The following GRAMD1C variants were observed in gnomAD, a reference collection of about 807,000 sequenced individuals.
The protein encoded by GRAMD1C is GRAM domain containing 1C.
In GRAMD1C, 89 loss-of-function variants were observed where a neutral mutation model predicts 97.8. The observed-to-expected ratio is 0.91, with a 90% confidence interval of 0.77 to 1.09. GRAMD1C has a LOEUF of 1.09. GRAMD1C is among the 50% of genes least tolerant of loss of function. The pLI, the probability that GRAMD1C is intolerant of heterozygous loss-of-function variation, is 0.00. For synonymous variants in GRAMD1C, 256 were observed against 267.0 expected (o/e 0.96, Z 0.40); for missense variants, 740 against 766.4 (o/e 0.97, Z 0.41).
intron 2 of GRAMD1C, among the ~76,000 whole-genome samples, chr3:113,847,270 C>T (rs1015592371): frequency 6.6e-6 from 1 of 152,064 alleles, no homozygotes. Context: ...CAAAACATTA[C>T]AAGAGACATG....
chr3:113,921,478 G>A lies in GRAMD1C; in HGVS notation c.1090+5640G>A, dbSNP rs562633487. The stretch of plus-strand genomic sequence containing the variant: ...TTATATTCCTGTGAGTAGATACCCA[G>A]TAATGGGATTCCCAGGTCAAATGGT... On this transcript the variant is annotated intron_variant, in intron 10 of 17. Transcript: ENST00000358160. 3.2e-4 allele frequency among the ~76,000 whole-genome samples: 49 copies of A among 152,328 alleles called. 2 individuals carry two copies. In the South Asian group the frequency reaches 0.01, roughly 32 times the overall value.
At chr3:113,888,334 G>A (rs879731881) in intron 6 of GRAMD1C, among the ~76,000 whole-genome samples, 13 of 152,204 alleles carry the variant, frequency 8.5e-5, no homozygotes, top group Non-Finnish European at 1.9e-4. Flanking sequence ...GTTGCCAGGG[G>A]TAGGAAGAAA....
intron 8 of GRAMD1C, among the ~76,000 whole-genome samples, chr3:113,906,989 G>T (rs1936395091): frequency 6.6e-6 from 1 of 152,054 alleles, no homozygotes; most frequent in South Asian, 2.1e-4. Context: ...ATATAGCCTG[G>T]GTGTGTAGTA....
chr3:113,934,342 C>T lies in GRAMD1C; in HGVS notation c.1353-90C>T, dbSNP rs372623824. 14 of 675,026 alleles carry T rather than the reference C, an allele frequency of 2.1e-5. No homozygotes were observed. The African/African-American group carries it at 2.5e-4, about 12-fold the overall frequency. The allele number at this position is 675,026 out of a possible 1,614,324, so 41.8% of individuals were successfully genotyped here. A position where few individuals can be genotyped will look rare whatever the true frequency, so the allele number is the denominator to read the frequency against. ...AATGACTTTGAATCTTTTTGACTTT[C>T]CACTGAATACAATCTTACATTTAAC... On this transcript the variant is annotated intron_variant, in intron 12 of 17. Transcript: ENST00000358160.
intron 6 of GRAMD1C, among the ~76,000 whole-genome samples, chr3:113,894,348 G>A (rs1045020003): frequency 8.6e-5 from 13 of 151,660 alleles, no homozygotes; most frequent in Non-Finnish European, 1.5e-4. Flanking sequence ...GCATGATCTC[G>A]GCTCACTGCA....
rs140083905 is a variant in GRAMD1C at position 113,832,832 on chromosome 3, T to G, written n.98+4553T>G. On this transcript the variant is annotated intron_variant and non_coding_transcript_variant, in intron 1 of 18. Transcript: ENST00000479212. The stretch of plus-strand genomic sequence containing the variant: ...TCTTTGCAGACTGGCTTTCTGTGTG[T>G]GCTGGGTATGCCTGTAACACCCAGC... Among the ~76,000 whole-genome samples, 732 of 152,316 alleles carry G rather than the reference T, an allele frequency of 4.8e-3. 6 individuals carry two copies. The highest frequency in any genetic ancestry group is 0.017 in the African/African-American group (695 of 41,568).
chr3:113,934,544 AT>A lies in GRAMD1C; in HGVS notation c.1456+16del, dbSNP rs750773104. The A allele has an allele frequency of 2.5e-6, 3 of 1,189,512 alleles. No homozygotes were observed. Among genetic ancestry groups the A allele is most frequent in the South Asian group, 2.7e-5 (2 of 72,966 alleles). 73.7% of individuals were successfully genotyped at this position (1,189,512 alleles called of 1,614,324 possible). ...CTATTTCAAACAGCTTGGTTTGTAA[AT>A]TTTTTTATTTATCTATTTTTGTAAA... On this transcript the variant is annotated intron_variant, in intron 13 of 17. Transcript: ENST00000358160.
intron 8 of GRAMD1C, among the ~76,000 whole-genome samples, chr3:113,907,060 C>T (rs1278964512): frequency 6.6e-6 from 1 of 152,122 alleles, no homozygotes; most frequent in African/African-American, 2.4e-5. Flanking sequence ...ATAAAATCAC[C>T]TAATGATACA....
chr3:113,933,334 C>T (rs1328104456), intron 11 of GRAMD1C, among the ~76,000 whole-genome samples, 177 bp from the exon 12 acceptor site: 1 of 152,216 alleles, frequency 6.6e-6, no homozygotes, highest in Non-Finnish European at 1.5e-5. Context: ...ACCCGGCCCT[C>T]TTTTTCTCAA....
At chr3:113,887,085 G>GTTTTTTGTTTTTT (rs1935524436) in intron 6 of GRAMD1C, among the ~76,000 whole-genome samples, 2 of 71,456 alleles carry the variant, frequency 2.8e-5, no homozygotes, top group Non-Finnish European at 2.9e-5. Flanking sequence ...TGGCCTTTTT[G>GTTTTTTGTTTTTT]TTTTTTTTTT....
chr3:113,897,555 T>C, intron 6 of GRAMD1C: 4 of 983,258 alleles, frequency 4.1e-6, no homozygotes, highest in Non-Finnish European at 4.8e-6. Context: ...AAGTGACAGA[T>C]AATGTGCTTT....
chr3:113,868,214 T>A (rs1934657787), intron 2 of GRAMD1C, among the ~76,000 whole-genome samples: 1 of 152,224 alleles, frequency 6.6e-6, no homozygotes, highest in Admixed American at 6.5e-5. Flanking sequence ...TTAAGCATGG[T>A]TCTGTTTTTT....
At chr3:113,883,744 A>G (rs1403365101) in intron 6 of GRAMD1C, among the ~76,000 whole-genome samples, 2 of 152,170 alleles carry the variant, frequency 1.3e-5, no homozygotes, top group Non-Finnish European at 2.9e-5. Context: ...ATAAAGGCTC[A>G]ATTCATCTGG....
chr3:113,886,076 GA>G (rs1175114243), intron 6 of GRAMD1C: 9 of 737,858 alleles, frequency 1.2e-5, no homozygotes, highest in Middle Eastern at 4.9e-4. Flanking sequence ...GGGCGGGGGG[GA>G]AAGGGATGGC....
At chr3:113,875,776 T>G (rs971949897) in intron 4 of GRAMD1C, 189 bp downstream of exon 4, 1 of 441,736 alleles carries the variant, frequency 2.3e-6, no homozygotes, top group Non-Finnish European at 4.0e-6. Context: ...ATTTAATACA[T>G]TGAGCTCCAG....
At chr3:113,928,134 C>A (rs1299090900) in intron 10 of GRAMD1C, among the ~76,000 whole-genome samples, 2 of 152,146 alleles carry the variant, frequency 1.3e-5, no homozygotes, top group African/African-American at 4.8e-5. Flanking sequence ...GTGCTGATCC[C>A]AGAGGGGCCG....
chr3:113,930,322 A>C (rs1937362875), intron 10 of GRAMD1C, among the ~76,000 whole-genome samples: 1 of 152,196 alleles, frequency 6.6e-6, no homozygotes, highest in South Asian at 2.1e-4. Flanking sequence ...AAAATATTTT[A>C]AAGTTTTGTC....
intron 1 of GRAMD1C, among the ~76,000 whole-genome samples, chr3:113,842,941 C>T (rs1408839452): frequency 1.3e-5 from 2 of 149,288 alleles, no homozygotes; most frequent in African/African-American, 4.9e-5. Context: ...CGAGCCTAGG[C>T]GACAGAGTGA....
intron 11 of GRAMD1C, among the ~76,000 whole-genome samples, chr3:113,933,125 T>G (rs1320074611): frequency 6.6e-6 from 1 of 152,206 alleles, no homozygotes; most frequent in Admixed American, 6.5e-5. Flanking sequence ...CCACAAATGA[T>G]CCACCCACAT....
Sources: gnomAD v4.1 joint callset for allele counts (sites outside exome capture counted in the v4.1 genomes callset) on GRCh38, gnomAD v4.1.1 for gene constraint, MANE v1.5 for transcripts, NCBI Gene and HGNC (gene_info 2026-07-23, HGNC 2026-07-21) for gene names.